Variants in LNPEP observed in about 807,000 individuals in gnomAD.
The protein encoded by LNPEP is leucyl and cystinyl aminopeptidase.
In LNPEP, 64 loss-of-function variants were observed where a neutral mutation model predicts 120.6. The observed-to-expected ratio is 0.53, with a 90% confidence interval of 0.43 to 0.65. The LOEUF is 0.65. Ranked by LOEUF, LNPEP falls within the 30% of genes least tolerant of loss-of-function variation. The pLI, the probability that LNPEP is intolerant of heterozygous loss-of-function variation, is 0.00. For synonymous variants in LNPEP, 435 were observed against 425.4 expected, an observed-to-expected ratio of 1.02 and a Z score of -0.28; for missense variants, 1,057 against 1,200.0, an observed-to-expected ratio of 0.88 and a Z score of 1.76.
At chr5:97,026,379 A>C (rs1261585053) in intron 15 of LNPEP, among the ~76,000 whole-genome samples, 1 of 152,222 alleles carries the variant, frequency 6.6e-6, no homozygotes, top group Non-Finnish European at 1.5e-5. Flanking sequence ...TTTACTATTT[A>C]AAAACTATTT....
In LNPEP at chr5:97,006,471, A is replaced by G; in HGVS notation, c.1991A>G (p.Asn664Ser). The change falls in exon 11 of 18, where the codon AAT (asparagine) becomes AGT (serine). Residue 664 changes from asparagine to serine, a missense_variant. Physicochemically the swap from Asn to Ser is conservative, Grantham distance 46. Transcript: ENST00000231368. The stretch of plus-strand genomic sequence containing the variant: ...CTATCCTATGTCACTGAAGGAAGAA[A>G]TTATTCAAAATATCAATCGGTATCA... ...IPLSYVTEGR[N>S]YSKYQSVSLL... The G allele has an allele frequency of 6.3e-7, 1 of 1,582,554 alleles. No homozygotes were observed. Among genetic ancestry groups the G allele is most frequent in the Non-Finnish European group, 8.7e-7 (1 of 1,151,710 alleles).
In LNPEP at chr5:97,037,482, G is replaced by T. The variant is rs1003076160; in HGVS notation, c.*8949G>T. On this transcript the variant is annotated 3_prime_UTR_variant, in exon 18 of 18. Coordinates refer to ENST00000231368, the MANE Select transcript of LNPEP (RefSeq NM_005575.3). ...AGCTGCAAACACTGTTGCTTTTTTT[G>T]TGAAATGAAAATAAAAGTATTTAAA... 6.6e-5 allele frequency: 10 copies of T among 152,034 alleles called. No individual in the cohort carries two copies. Among genetic ancestry groups the T allele is most frequent in the African/African-American group, 2.4e-4 (10 of 41,414 alleles). The allele number at this position is 152,034 out of a possible 1,614,324, so 9.4% of individuals were successfully genotyped here.
At chr5:97,021,923 G>GTTTTTTTTTTTTTTTTTTT (rs1165456605) in intron 13 of LNPEP, among the ~76,000 whole-genome samples, 1 of 57,170 alleles carries the variant, frequency 1.7e-5, no homozygotes, top group Non-Finnish European at 3.1e-5. Context: ...TTTGTCTTTT[G>GTTTTTTTTTTTTTTTTTTT]TTTTTTTTTT....
intron 1 of LNPEP, among the ~76,000 whole-genome samples, chr5:96,962,959 G>A (rs139037876): frequency 2.0e-5 from 3 of 152,096 alleles, no homozygotes; most frequent in Admixed American, 6.6e-5. Context: ...ATGAAGTCAC[G>A]TACAACAAGG....
At chr5:97,024,033 C>A (rs1426848257) in intron 14 of LNPEP, among the ~76,000 whole-genome samples, 1 of 152,092 alleles carries the variant, frequency 6.6e-6, no homozygotes, top group Non-Finnish European at 1.5e-5. Context: ...AGAGAAGATT[C>A]AAGCATCAGA....
intron 1 of LNPEP, among the ~76,000 whole-genome samples, chr5:96,964,005 T>C (rs1277747504): frequency 6.6e-6 from 1 of 152,116 alleles, no homozygotes; most frequent in Non-Finnish European, 1.5e-5. Flanking sequence ...CTTATCTAAT[T>C]GTAACTTTTT....
chr5:97,022,260 A>T, intron 13 of LNPEP, 40 bp from the exon 14 acceptor site: 1 of 1,219,146 alleles, frequency 8.2e-7, no homozygotes, highest in Admixed American at 2.1e-5. Flanking sequence ...TGATTGTCCT[A>T]ATTATTATGA....
Position 97,008,141 on chromosome 5 carries a change from TAA to T in LNPEP, c.2035+1627_2035+1628del, listed in dbSNP as rs1228859185. 3.1e-4 allele frequency among the ~76,000 whole-genome samples: 47 copies of T among 152,184 alleles called. No individual in the cohort carries two copies. In the East Asian group the frequency reaches 8.9e-3, roughly 29 times the overall value. On this transcript the variant is annotated intron_variant, in intron 11 of 17. Coordinates refer to ENST00000231368, the MANE Select transcript of LNPEP (RefSeq NM_005575.3). ...AGTCTCTAACCCAAGAGAGAACAAA[TAA>T]CCCCATCTCCCTATATCCTGAAGCA...
chr5:96,972,619 C>A (rs1789895192), intron 1 of LNPEP, among the ~76,000 whole-genome samples: 1 of 152,064 alleles, frequency 6.6e-6, no homozygotes, highest in African/African-American at 2.4e-5. Context: ...GGGAAATTGT[C>A]CCCAGAGAAC....
chr5:96,991,650 T>G (rs946251348), intron 4 of LNPEP, among the ~76,000 whole-genome samples: 8 of 152,178 alleles, frequency 5.3e-5, no homozygotes, highest in Non-Finnish European at 1.0e-4. Context: ...TATTTTTTGA[T>G]GGGATTGTTT....
rs113807419 is a variant in LNPEP, at chr5:96,983,726, C to T, written c.861-1354C>T. Reference sequence around the variant, plus strand: ...CCTCCCAAAGTGCTGGGATTTCAGGCGTGAGCCACCTGGCCTGGACTGTAA... The same window carrying T: ...CCTCCCAAAGTGCTGGGATTTCAGGTGTGAGCCACCTGGCCTGGACTGTAA... On this transcript the variant is annotated intron_variant, in intron 2 of 17. Transcript: ENST00000231368. Among the ~76,000 whole-genome samples, 805 of 152,274 alleles carry T rather than the reference C, an allele frequency of 5.3e-3. 11 individuals are homozygous for T. The highest frequency in any genetic ancestry group is 0.018 in the African/African-American group (750 of 41,548).
chr5:97,020,778 G>A (rs1007930578), intron 13 of LNPEP, among the ~76,000 whole-genome samples: 1 of 151,940 alleles, frequency 6.6e-6, no homozygotes, highest in Non-Finnish European at 1.5e-5. Flanking sequence ...TTCCAGCCTG[G>A]GCAACTGAGC....
chr5:97,030,686 T>C lies in LNPEP; in HGVS notation c.*2153T>C, dbSNP rs1343205688. 1.4e-5 allele frequency: 2 copies of C among 146,322 alleles called. No individual in the cohort carries two copies. Among genetic ancestry groups the C allele is most frequent in the African/African-American group, 4.9e-5 (2 of 40,438 alleles). The allele number at this position is 146,322 out of a possible 1,614,324, so 9.1% of individuals were successfully genotyped here. A position where few individuals can be genotyped will look rare whatever the true frequency, so the allele number is the denominator to read the frequency against. Reference sequence around the variant, plus strand: ...TGTGTGTGTAGTGTGGGGGGTATTGTTATGAGTAAAACTTTATCAAAACTT... The same window carrying C: ...TGTGTGTGTAGTGTGGGGGGTATTGCTATGAGTAAAACTTTATCAAAACTT... On this transcript the variant is annotated 3_prime_UTR_variant, in exon 18 of 18. Coordinates refer to ENST00000231368, the MANE Select transcript of LNPEP (RefSeq NM_005575.3).
intron 1 of LNPEP, 55 bp from the exon 2 acceptor site, chr5:96,979,081 ATT>A: frequency 6.6e-7 from 1 of 1,518,488 alleles, no homozygotes; most frequent in Non-Finnish European, 8.8e-7. Flanking sequence ...TGTTATTAAT[ATT>A]ATGAGCTTTT....
chr5:96,956,935 T>C (rs2112575002), intron 1 of LNPEP, among the ~76,000 whole-genome samples: 1 of 152,316 alleles, frequency 6.6e-6, no homozygotes, highest in South Asian at 2.1e-4. Flanking sequence ...GGCCATTCAG[T>C]GAATTTTTCT....
Position 96,976,603 on chromosome 5 carries a change from T to C in LNPEP, c.20-2535T>C, listed in dbSNP as rs569877121. On this transcript the variant is annotated intron_variant, in intron 1 of 17. Coordinates refer to ENST00000231368, the MANE Select transcript of LNPEP (RefSeq NM_005575.3). ...TGTACCTGGAGTTAGTTCAGAAATA[T>C]AGTAAATAAAACCATGCTGTACAGA... is the stretch of plus-strand genomic sequence containing the variant. Among the ~76,000 whole-genome samples, 397 of 152,198 alleles carry C rather than the reference T, an allele frequency of 2.6e-3. 2 individuals carry two copies. The highest frequency in any genetic ancestry group is 4.1e-3 in the Non-Finnish European group (278 of 68,012).
At chr5:96,958,088 C>T (rs1468300192) in intron 1 of LNPEP, among the ~76,000 whole-genome samples, 3 of 152,232 alleles carry the variant, frequency 2.0e-5, no homozygotes, top group Non-Finnish European at 4.4e-5. Flanking sequence ...TGACCAAAGC[C>T]TGCCTTCAGG....
chr5:96,960,608 G>A (rs1409425385), intron 1 of LNPEP, among the ~76,000 whole-genome samples: 1 of 152,120 alleles, frequency 6.6e-6, no homozygotes, highest in Non-Finnish European at 1.5e-5. Context: ...CTTTTATGAT[G>A]ACCATAAATC....
intron 1 of LNPEP, among the ~76,000 whole-genome samples, chr5:96,960,881 T>G (rs1028288798): frequency 8.5e-5 from 4 of 47,112 alleles, no homozygotes; most frequent in African/African-American, 2.8e-4. Flanking sequence ...AAAAAATATG[T>G]TTTTTTTTTC....
Sources: allele counts gnomAD v4.1 joint callset (sites outside exome capture counted in the v4.1 genomes callset), GRCh38; gene constraint gnomAD v4.1.1; transcripts MANE v1.5; gene names NCBI Gene and HGNC (gene_info 2026-07-23, HGNC 2026-07-21).